PPWD1: variants seen among roughly 807,000 people sequenced by gnomAD.
PPWD1 encodes peptidylprolyl isomerase domain and WD repeat containing 1.
A neutral mutation model predicts 68.8 loss-of-function variants in PPWD1; 43 were observed. That is an observed-to-expected ratio of 0.62 (90% CI 0.49 to 0.81). The LOEUF is 0.81. PPWD1 is among the 30% of genes least tolerant of loss of function. The pLI, the probability that PPWD1 is intolerant of heterozygous loss-of-function variation, is 0.00. For synonymous variants in PPWD1, 232 were observed against 258.7 expected (o/e 0.90, Z 0.99); for missense variants, 672 against 804.8 (o/e 0.83, Z 2.00).
rs1401921264 is a variant in PPWD1 at position 65,578,735 on chromosome 5, C to T, written c.1161-689C>T. ...ATATATGTATATACATATATATATA[C>T]ATATATATATACACACATATATGTG... On this transcript the variant is annotated intron_variant, in intron 6 of 10. Transcript: ENST00000261308. 5.1e-5 allele frequency among the ~76,000 whole-genome samples: 4 copies of T among 78,390 alleles called. No homozygotes were observed. The East Asian group carries it at 7.7e-4, about 15-fold the overall frequency. The allele number at this position is 78,390 out of a possible 152,430, so 51.4% of individuals were successfully genotyped here. A position where few individuals can be genotyped will look rare whatever the true frequency, so the allele number is the denominator to read the frequency against.
Position 65,569,696 on chromosome 5 carries a change from G to A in PPWD1, c.364G>A (p.Gly122Arg), listed in dbSNP as rs1752934019. 2 of 1,609,246 alleles carry A rather than the reference G, an allele frequency of 1.2e-6. No individual in the cohort carries two copies. The highest frequency in any genetic ancestry group is 1.7e-6 in the Non-Finnish European group (2 of 1,177,210). Residue 122 changes from glycine to arginine, a missense_variant, in exon 3 of 11, where the codon GGA (glycine) becomes AGA (arginine). Gly to Arg is a moderately radical substitution (Grantham distance 125, BLOSUM62 -2). Around this residue, in one of 2 missense-constraint regions of PPWD1, gnomAD observed 188 missense variants for 158.6 expected, o/e 1.19. Transcript: ENST00000261308. ...CAAGTTCTGGAAAAAAATAGAAGAG[G>A]GAATTGAATTTGTTAAACATTTTCG... is the stretch of plus-strand genomic sequence containing the variant. Reference protein sequence around the residue: ...HVKFWKKIEEGIEFVKHFRSH... With the variant: ...HVKFWKKIEERIEFVKHFRSH...
intron 7 of PPWD1, among the ~76,000 whole-genome samples, chr5:65,581,213 A>C (rs1489222335): frequency 2.6e-5 from 4 of 152,202 alleles, no homozygotes; most frequent in African/African-American, 9.7e-5. Context: ...ATTACTAAAA[A>C]TTTATTAGTA....
At position 65,567,757 on chromosome 5, in the gene PPWD1, G is replaced by A. The variant is rs1301565924; in HGVS notation, c.299+142G>A. The A allele has an allele frequency of 2.3e-6, 3 of 1,331,752 alleles. No homozygotes were observed. The African/African-American group carries it at 4.4e-5, about 20-fold the overall frequency. The allele number at this position is 1,331,752 out of a possible 1,614,324, so 82.5% of individuals were successfully genotyped here. On this transcript the variant is annotated intron_variant, in intron 2 of 10. Transcript: ENST00000261308. ...TAAGTTCTGAAATAAAGGCCTACAT[G>A]TTCTTTCCTATATCGTACAAATAAT...
intron 1 of PPWD1, 183 bp downstream of exon 1, chr5:65,563,689 C>A: frequency 2.2e-6 from 3 of 1,364,914 alleles, no homozygotes; most frequent in Non-Finnish European, 3.0e-6. Flanking sequence ...AAGCGTAGTA[C>A]AACGTCTTTT....
chr5:65,578,971 AGCAGTG>A (rs1383914716), intron 6 of PPWD1, among the ~76,000 whole-genome samples: 1 of 151,234 alleles, frequency 6.6e-6, no homozygotes, highest in Non-Finnish European at 1.5e-5. Flanking sequence ...CAGGCTGGAG[AGCAGTG>A]GCACGATCTC....
chr5:65,569,806 T>G, intron 3 of PPWD1, 72 bp from the exon 4 acceptor site: 1 of 1,552,126 alleles, frequency 6.4e-7, no homozygotes, highest in East Asian at 2.3e-5. Context: ...TTTTAAATTT[T>G]TTTTCTTTGA....
In PPWD1 at chr5:65,563,457, C is replaced by A. The variant is rs768401389; in HGVS notation, c.147C>A (p.Arg49=). The A allele has an allele frequency of 1.5e-5, 24 of 1,613,910 alleles. No individual in the cohort carries two copies. Among genetic ancestry groups the A allele is most frequent in the African/African-American group, 2.7e-5 (2 of 74,884 alleles). ...AGAACGATGAGGAGAACGAAGAGCG[C>A]TGGGTTGGACCTTTACCTGTGGAGG... The part of the protein sequence containing the change: ...SQENDEENEE[R]WVGPLPVEAT... The change falls in exon 1 of 11, where the codon CGC becomes CGA. Residue 49 remains arginine, a synonymous_variant. Transcript: ENST00000261308.
At chr5:65,584,538 T>C (rs1465300676) in intron 8 of PPWD1, among the ~76,000 whole-genome samples, 1 of 152,138 alleles carries the variant, frequency 6.6e-6, no homozygotes, top group Non-Finnish European at 1.5e-5. Context: ...CATGCAGACC[T>C]ATAATACTAT....
chr5:65,566,599 C>A (rs1752771526), intron 1 of PPWD1, among the ~76,000 whole-genome samples: 1 of 152,126 alleles, frequency 6.6e-6, no homozygotes, highest in Admixed American at 6.5e-5. Flanking sequence ...CAGACACAAG[C>A]CTGAAACAGC....
chr5:65,584,289 G>C (rs965919720), intron 8 of PPWD1, among the ~76,000 whole-genome samples: 1 of 152,062 alleles, frequency 6.6e-6, no homozygotes, highest in Non-Finnish European at 1.5e-5. Flanking sequence ...GATTCTCTTG[G>C]TTCGTCCATT....
In PPWD1 at chr5:65,563,437, G is replaced by T; in HGVS notation, c.127G>T (p.Asp43Tyr). The T allele has an allele frequency of 1.2e-6, 2 of 1,614,150 alleles. No homozygotes were observed. The highest frequency in any genetic ancestry group is 1.1e-5 in the South Asian group (1 of 91,064). ...AGCAGTGGCGGTGTCCCAGGAGAAC[G>T]ATGAGGAGAACGAAGAGCGCTGGGT... ...AVAVAVSQEN[D>Y]EENEERWVGP... Residue 43 changes from aspartate (D) to tyrosine (Y), a missense_variant, in exon 1 of 11, where the codon GAT becomes TAT. Around this residue, in one of 2 missense-constraint regions of PPWD1, gnomAD observed 188 missense variants for 158.6 expected, o/e 1.19. Transcript: ENST00000261308.
At chr5:65,565,807 C>CAAAAA (rs35080676) in intron 1 of PPWD1, among the ~76,000 whole-genome samples, 2 of 103,342 alleles carry the variant, frequency 1.9e-5, no homozygotes, top group Non-Finnish European at 3.9e-5. Flanking sequence ...GACTCCGTCT[C>CAAAAA]AAAAAAAAAA....
chr5:65,573,735 A>G (rs1337554045), intron 5 of PPWD1, among the ~76,000 whole-genome samples: 2 of 151,184 alleles, frequency 1.3e-5, no homozygotes, highest in African/African-American at 2.4e-5. Flanking sequence ...TGATATGGTC[A>G]TATTATTTGA....
intron 9 of PPWD1, among the ~76,000 whole-genome samples, chr5:65,585,775 G>A (rs1315406549): frequency 6.6e-6 from 1 of 152,150 alleles, no homozygotes; most frequent in Non-Finnish European, 1.5e-5. Flanking sequence ...GACAGAACAT[G>A]TCTATAAATG....
chr5:65,577,188 T>C, intron 6 of PPWD1, 119 bp downstream of exon 6: 2 of 1,399,998 alleles, frequency 1.4e-6, no homozygotes, highest in Non-Finnish European at 1.9e-6. Context: ...CCCAAATGTC[T>C]AAACTTAACC....
intron 1 of PPWD1, chr5:65,563,781 T>G (rs1300377147): frequency 2.6e-5 from 38 of 1,489,094 alleles, no homozygotes. Flanking sequence ...TGTGTTTGGC[T>G]CCTCTCATTT....
chr5:65,568,349 T>A (rs575234255), intron 2 of PPWD1, among the ~76,000 whole-genome samples: 12 of 152,276 alleles, frequency 7.9e-5, no homozygotes, highest in Admixed American at 3.9e-4. Context: ...TTATTTATCA[T>A]AAGGATAATC....
Position 65,563,339 on chromosome 5 carries a change from A to C in PPWD1, c.29A>C (p.Gln10Pro), listed in dbSNP as rs777702093. The change falls in exon 1 of 11, where the codon CAG becomes CCG. Residue 10 changes from glutamine to proline, a missense_variant. By Grantham distance (76) the Gln-to-Pro change is moderately conservative. Coordinates refer to ENST00000261308, the MANE Select transcript of PPWD1 (RefSeq NM_015342.4). ...GCGGCGGAAAGTGGTAGCGATTTTC[A>C]GCAGAGACGTAGAAGGCGCCGGGAC... MAAESGSDF[Q>P]QRRRRRRDPE... 6.2e-7 allele frequency: 1 copy of C among 1,613,720 alleles called. No homozygotes were observed. The highest frequency in any genetic ancestry group is 1.3e-5 in the African/African-American group (1 of 74,874).
chr5:65,585,187 A>C, intron 9 of PPWD1, 92 bp downstream of exon 9: 5 of 1,289,544 alleles, frequency 3.9e-6, no homozygotes, highest in Non-Finnish European at 5.4e-6. Context: ...TCTCACACTT[A>C]ATCAGTTTAG....
Sources: allele counts gnomAD v4.1 joint callset (sites outside exome capture counted in the v4.1 genomes callset), GRCh38; gene constraint gnomAD v4.1.1; regional missense constraint gnomAD v4.1.1; transcripts MANE v1.5; gene names NCBI Gene and HGNC (gene_info 2026-07-23, HGNC 2026-07-21).